ZNF670: variants seen among roughly 807,000 people sequenced by gnomAD.
ZNF670 encodes the protein zinc finger protein 670.
In ZNF670, 7 loss-of-function variants were observed where a neutral mutation model predicts 10.9. The observed-to-expected ratio is 0.64, with a 90% CI of 0.36 to 1.20. The LOEUF (loss-of-function observed/expected upper bound fraction) is 1.20. Among genes scored for constraint, ZNF670 ranks in the 50% most tolerant of loss-of-function variants. The probability of loss-of-function intolerance (pLI) is 0.02; values close to 1 mark genes in which losing one functional copy is unlikely to be tolerated. For missense variants in ZNF670, 446 were observed against 458.6 expected (o/e 0.97, Z 0.25); for synonymous variants, 136 against 152.7 (o/e 0.89, Z 0.81).
In ZNF670 at chr1:247,034,680, A is replaced by C. The variant is rs1670105715; in HGVS notation, c.*2769T>G. ...GTTACACAATTAGGTGACATGCTTAATTCTCCCCAGCATGGGGACATTCTT... is the reference window on the plus strand; with the variant it reads ...GTTACACAATTAGGTGACATGCTTACTTCTCCCCAGCATGGGGACATTCTT... On this transcript the variant is annotated 3_prime_UTR_variant, in exon 4 of 4. Coordinates refer to ENST00000366503, the MANE Select transcript of ZNF670 (RefSeq NM_033213.5). Among the ~76,000 whole-genome samples the C allele has an allele frequency of 6.6e-6, 1 of 152,168 alleles. No homozygotes were observed. Among genetic ancestry groups the C allele is most frequent in the Non-Finnish European group, 1.5e-5 (1 of 68,022 alleles).
At position 247,050,482 on chromosome 1, in the gene ZNF670, T is replaced by TC. The variant is rs1343715525; in HGVS notation, c.4-10946_4-10945insG. ...CTTGGTTGGTGAATTCTTTTCTTCT[T>TC]TTTTTTTTTTTGAGACAGAGTCTCA... On this transcript the variant is annotated intron_variant, in intron 1 of 3. Transcript: ENST00000366503. Among the ~76,000 whole-genome samples the TC allele has an allele frequency of 4.0e-5, 6 of 148,462 alleles. No homozygotes were observed. The South Asian group carries it at 6.4e-4, about 16-fold the overall frequency.
At position 247,036,209 on chromosome 1, in the gene ZNF670, A is replaced by C. The variant is rs1265694978; in HGVS notation, c.*1240T>G. Among the ~76,000 whole-genome samples, 1 of 152,222 alleles carries C rather than the reference A, an allele frequency of 6.6e-6. No homozygotes were observed. Among genetic ancestry groups the C allele is most frequent in the African/African-American group, 2.4e-5 (1 of 41,468 alleles). On this transcript the variant is annotated 3_prime_UTR_variant, in exon 4 of 4. Transcript: ENST00000366503. ...AGAGTTCAACACTCCTTTACCATGA[A>C]ACAATAAATAAAAAACACAAGAAAA...
At chr1:247,077,223 G>A (rs1337612622) in intron 1 of ZNF670, among the ~76,000 whole-genome samples, 1 of 152,204 alleles carries the variant, frequency 6.6e-6, no homozygotes, top group Non-Finnish European at 1.5e-5. Context: ...TAAACGAAGA[G>A]TATACTAGGA....
At chr1:247,062,313 CA>C (rs776270262) in intron 1 of ZNF670, among the ~76,000 whole-genome samples, 15 of 151,874 alleles carry the variant, frequency 9.9e-5, no homozygotes, top group Non-Finnish European at 1.0e-4. Flanking sequence ...TGAAATTACT[CA>C]AAAGAGCAGA....
At chr1:247,073,162 T>C (rs981099701) in intron 1 of ZNF670, among the ~76,000 whole-genome samples, 13 of 152,202 alleles carry the variant, frequency 8.5e-5, no homozygotes, top group African/African-American at 3.1e-4. Context: ...CCAAGAATTA[T>C]CTACGATTTT....
At position 247,035,130 on chromosome 1, in the gene ZNF670, C is replaced by G. The variant is rs968306674; in HGVS notation, c.*2319G>C. Among the ~76,000 whole-genome samples the G allele has an allele frequency of 3.3e-5, 5 of 152,112 alleles. No individual in the cohort carries two copies. Among genetic ancestry groups the G allele is most frequent in the Non-Finnish European group, 5.9e-5 (4 of 68,034 alleles). On this transcript the variant is annotated 3_prime_UTR_variant, in exon 4 of 4. Transcript: ENST00000366503. ...TATTATGGAACCAGTTAGACAAAAG[C>G]AGGTAGTTAAAGCTGAAAAGATATC...
At chr1:247,069,983 C>T (rs2055193) in intron 1 of ZNF670, among the ~76,000 whole-genome samples, 85,117 of 151,942 alleles carry the variant, frequency 0.56, 25,944 homozygotes, top group African/African-American at 0.8. Context: ...CACTTTAAAG[C>T]AACTAAGTAT....
intron 1 of ZNF670, among the ~76,000 whole-genome samples, chr1:247,073,459 A>C (rs1423500248): frequency 2.0e-5 from 3 of 152,000 alleles, no homozygotes; most frequent in Non-Finnish European, 2.9e-5. Context: ...GTTCATTCCT[A>C]GGGAATGAGT....
At chr1:247,077,113 T>C (rs1014284429) in intron 1 of ZNF670, among the ~76,000 whole-genome samples, 1 of 152,214 alleles carries the variant, frequency 6.6e-6, no homozygotes, top group African/African-American at 2.4e-5. Flanking sequence ...ATTTTTCCCT[T>C]AATACCAGCA....
chr1:247,064,237 A>G (rs1007457), intron 1 of ZNF670, among the ~76,000 whole-genome samples: 85,446 of 152,042 alleles, frequency 0.56, 26,151 homozygotes, highest in African/African-American at 0.8. Flanking sequence ...GTCATCTGGA[A>G]CCTCCTTGAT....
chr1:247,039,563 G>T, intron 1 of ZNF670, 26 bp from the exon 2 acceptor site: 1 of 1,542,012 alleles, frequency 6.5e-7, no homozygotes, highest in Non-Finnish European at 8.7e-7. Flanking sequence ...TATGTGGAGA[G>T]GAGGATGGCT....
At chr1:247,052,988 T>C (rs1670632831) in intron 1 of ZNF670, among the ~76,000 whole-genome samples, 1 of 152,070 alleles carries the variant, frequency 6.6e-6, no homozygotes, top group Admixed American at 6.6e-5. Flanking sequence ...GAGATGGTGG[T>C]GTGGTATTCA....
chr1:247,043,110 G>C (rs1670357450), intron 1 of ZNF670: 1 of 1,066,366 alleles, frequency 9.4e-7, no homozygotes, highest in Non-Finnish European at 1.4e-6. Context: ...AAGAACTGGT[G>C]TTTGACACTG....
At chr1:247,073,718 A>T (rs1388697667) in intron 1 of ZNF670, among the ~76,000 whole-genome samples, 1 of 152,204 alleles carries the variant, frequency 6.6e-6, no homozygotes, top group African/African-American at 2.4e-5. Flanking sequence ...AACACCACTC[A>T]GAGTCAACAC....
Position 247,038,826 on chromosome 1 carries a change from G to T in ZNF670, c.175C>A (p.Pro59Thr). ...DQNIQDDFKNPGRNLSSHVVE... is the reference protein window; with the variant it reads ...DQNIQDDFKNTGRNLSSHVVE... Reference sequence around the variant, plus strand: ...GCAAATTACCTTAGATTTCTCCCAGGATTTTTGAAGTCATCTTGGATATTC... The same window carrying T: ...GCAAATTACCTTAGATTTCTCCCAGTATTTTTGAAGTCATCTTGGATATTC... The change falls in exon 3 of 4, where the codon CCT (proline) becomes ACT (threonine). Residue 59 changes from proline to threonine, a missense_variant. Coordinates refer to ENST00000366503, the MANE Select transcript of ZNF670 (RefSeq NM_033213.5). 6.2e-7 allele frequency: 1 copy of T among 1,612,080 alleles called. No individual in the cohort carries two copies. The highest frequency in any genetic ancestry group is 8.5e-7 in the Non-Finnish European group (1 of 1,178,936).
chr1:247,072,804 G>GTATATATATATA (rs74163726), intron 1 of ZNF670, among the ~76,000 whole-genome samples: 2,420 of 46,730 alleles, frequency 0.052, 136 homozygotes, highest in East Asian at 0.11. Context: ...AAAAGTGTGT[G>GTATATATATATA]TATATATATA....
Position 247,038,225 on chromosome 1 carries a change from C to CAA in ZNF670, c.392_393dup (p.Glu132LeufsTer31). The CAA allele has an allele frequency of 6.2e-7, 1 of 1,614,164 alleles. No homozygotes were observed. Among genetic ancestry groups the CAA allele is most frequent in the Non-Finnish European group, 8.5e-7 (1 of 1,180,024 alleles). ...AACTTCTCTGGACATTCCTCACACT[C>CAA]AAATAGTTTGTTTCCAATGTGAGAC... On this transcript the variant is annotated frameshift_variant, in exon 4 of 4. Transcript: ENST00000366503. LOFTEE classifies it low-confidence loss of function (END_TRUNC).
intron 1 of ZNF670, among the ~76,000 whole-genome samples, chr1:247,052,652 T>G (rs72768395): frequency 0.026 from 3,986 of 152,290 alleles, 74 homozygotes; most frequent in African/African-American, 0.035. Context: ...GTGGTGGAAT[T>G]AGCAGTTGTT....
Position 247,037,202 on chromosome 1 carries a change from A to G in ZNF670, c.*247T>C, listed in dbSNP as rs1670177675. 5 of 401,422 alleles carry G rather than the reference A, an allele frequency of 1.2e-5. No individual in the cohort carries two copies. The highest frequency in any genetic ancestry group is 2.2e-5 in the Non-Finnish European group (5 of 228,534). The allele number at this position is 401,422 out of a possible 1,614,324, so 24.9% of individuals were successfully genotyped here. A position where few individuals can be genotyped will look rare whatever the true frequency, so the allele number is the denominator to read the frequency against. On this transcript the variant is annotated 3_prime_UTR_variant, in exon 4 of 4. Coordinates refer to ENST00000366503, the MANE Select transcript of ZNF670 (RefSeq NM_033213.5). ...GAACCACTGATAAAAATATATTTGAAAGCGGCTGGGAAAATAAAGTGTTCT... is the reference window on the plus strand; with the variant it reads ...GAACCACTGATAAAAATATATTTGAGAGCGGCTGGGAAAATAAAGTGTTCT...
Sources: allele counts gnomAD v4.1 joint callset (sites outside exome capture counted in the v4.1 genomes callset), GRCh38; gene constraint gnomAD v4.1.1; transcripts MANE v1.5; gene names NCBI Gene and HGNC (gene_info 2026-07-23, HGNC 2026-07-21).